Variants in VIPR1 observed in about 807,000 individuals in gnomAD.
VIPR1 encodes vasoactive intestinal peptide receptor 1, also known as vasoactive intestinal polypeptide receptor 1.
VIPR1 carries 59 observed loss-of-function variants against 58.8 expected under a neutral mutation model. That is an observed-to-expected ratio of 1.00 (90% CI 0.81 to 1.25). The LOEUF (loss-of-function observed/expected upper bound fraction) is 1.25. Among genes scored for constraint, VIPR1 ranks in the 50% most tolerant of loss-of-function variants. The probability of loss-of-function intolerance (pLI) is 0.00; values close to 1 mark genes in which losing one functional copy is unlikely to be tolerated. For missense variants in VIPR1, 626 were observed against 602.7 expected, an observed-to-expected ratio of 1.04 and a Z score of -0.40; for synonymous variants, 251 against 242.1, an observed-to-expected ratio of 1.04 and a Z score of -0.34.
At chr3:42,532,378 A>G (rs1559497681) in intron 10 of VIPR1, 45 bp downstream of exon 10, 2 of 1,570,306 alleles carry the variant, frequency 1.3e-6, no homozygotes, top group Admixed American at 3.3e-5. Flanking sequence ...CTCCATCCCC[A>G]GTCCTCAAAT....
rs144983834 is a variant in VIPR1 at position 42,514,676 on chromosome 3, C to T, written c.184+822C>T. 5.6e-4 allele frequency among the ~76,000 whole-genome samples: 85 copies of T among 152,106 alleles called. 1 individual carries two copies. In the East Asian group the frequency reaches 0.014, roughly 25 times the overall value. ...CCAGATGAACCATCAGCTCATTATT[C>T]GGCTGATGAGACAAGTCAAGGTCAG... On this transcript the variant is annotated intron_variant, in intron 2 of 12. Coordinates refer to ENST00000325123, the MANE Select transcript of VIPR1 (RefSeq NM_004624.4).
At chr3:42,532,209 C>T in intron 9 of VIPR1, 33 bp from the exon 10 acceptor site, 1 of 1,608,098 alleles carries the variant, frequency 6.2e-7, no homozygotes, top group Non-Finnish European at 8.5e-7. Context: ...CCTTCCCGCT[C>T]TGACTGCCCG....
In VIPR1 at chr3:42,535,335, C is replaced by T; in HGVS notation, c.1141-8C>T. 1 of 1,614,116 alleles carries T rather than the reference C, an allele frequency of 6.2e-7. No homozygotes were observed. Among genetic ancestry groups the T allele is most frequent in the Non-Finnish European group, 8.5e-7 (1 of 1,180,006 alleles). On this transcript the variant is annotated splice_region_variant and splice_polypyrimidine_tract_variant and intron_variant, in intron 11 of 12. Coordinates refer to ENST00000325123, the MANE Select transcript of VIPR1 (RefSeq NM_004624.4). ...CTACCTCACCTCTCCTGTCATCTTC[C>T]TTCTCAGGGTTTTGTGGTGGCTATC...
At chr3:42,516,033 G>A (rs770558587) in intron 2 of VIPR1, among the ~76,000 whole-genome samples, 4 of 152,206 alleles carry the variant, frequency 2.6e-5, no homozygotes, top group Non-Finnish European at 4.4e-5. Context: ...ATGTTTGCAT[G>A]TGTGCCTGGT....
intron 6 of VIPR1, chr3:42,529,631 AC>A (rs1014838428): frequency 2.0e-5 from 3 of 152,216 alleles, no homozygotes; most frequent in Non-Finnish European, 2.9e-5. Context: ...GATGTCGCAA[AC>A]CAAGGGTACA....
At chr3:42,507,689 A>C (rs1700177017) in intron 1 of VIPR1, among the ~76,000 whole-genome samples, 1 of 152,194 alleles carries the variant, frequency 6.6e-6, no homozygotes, top group African/African-American at 2.4e-5. Context: ...TTCCTCTGCA[A>C]ATAAAGGCTT....
chr3:42,531,651 G>A (rs1351127525), intron 8 of VIPR1, 120 bp downstream of exon 8: 3 of 1,544,452 alleles, frequency 1.9e-6, no homozygotes, highest in African/African-American at 1.4e-5. Context: ...GGGCCAGAGG[G>A]GAGGCTGGAG....
intron 1 of VIPR1, among the ~76,000 whole-genome samples, chr3:42,507,543 T>A (rs1029375133): frequency 6.6e-6 from 1 of 152,200 alleles, no homozygotes; most frequent in African/African-American, 2.4e-5. Context: ...AGTCCAGCCC[T>A]CTGCAGGTGG....
intron 1 of VIPR1, among the ~76,000 whole-genome samples, chr3:42,496,719 C>G (rs1337372880): frequency 6.6e-6 from 1 of 152,156 alleles, no homozygotes; most frequent in Non-Finnish European, 1.5e-5. Context: ...AAATTCTCAC[C>G]CATTCCCATT....
At chr3:42,497,703 C>T (rs568841586), upstream of VIPR1, among the ~76,000 whole-genome samples, 6 of 152,208 alleles carry the variant, frequency 3.9e-5, no homozygotes, top group South Asian at 2.1e-4. Context: ...TCCCCGATAC[C>T]GTTCTTGTGG....
intron 1 of VIPR1, chr3:42,512,961 C>T (rs1433413962): frequency 2.0e-6 from 2 of 985,310 alleles, no homozygotes; most frequent in Admixed American, 1.2e-4. Context: ...TCAGTGACCC[C>T]AGTCACACTG....
At chr3:42,513,892 C>A (rs1209349936) in intron 2 of VIPR1, 38 bp downstream of exon 2, 10 of 1,534,800 alleles carry the variant, frequency 6.5e-6, no homozygotes, top group Non-Finnish European at 8.8e-6. Context: ...TGCATGCCCC[C>A]AGGGAGCCCA....
intron 4 of VIPR1, among the ~76,000 whole-genome samples, chr3:42,526,837 C>A (rs1701257602): frequency 6.6e-6 from 1 of 152,136 alleles, no homozygotes; most frequent in Admixed American, 6.5e-5. Flanking sequence ...ACCCTCGGGG[C>A]CTAGCTTTGC....
intron 2 of VIPR1, 23 bp downstream of exon 2, chr3:42,513,877 G>C (rs1461732949): frequency 1.3e-6 from 2 of 1,549,544 alleles, no homozygotes; most frequent in African/African-American, 1.4e-5. Context: ...TGGGCAGAGA[G>C]GGGCTGCATG....
chr3:42,506,332 C>T (rs952691064), intron 1 of VIPR1: 1 of 152,238 alleles, frequency 6.6e-6, no homozygotes, highest in African/African-American at 2.4e-5. Context: ...GGGCCCTTCA[C>T]TGTGGCTCCT....
Position 42,536,194 on chromosome 3 carries a change from G to C in VIPR1, c.1287G>C (p.Thr429=). The C allele has an allele frequency of 6.2e-7, 1 of 1,601,570 alleles. No homozygotes were observed. The highest frequency in any genetic ancestry group is 2.3e-5 in the East Asian group (1 of 44,242). ...CGTCGGGAGGCAGCAACGGCGCCAC[G>C]TGCAGCACGCAGGTTTCCATGCTGA... ...RHPSGGSNGA[T]CSTQVSMLTR... Residue 429 remains threonine (T), a synonymous_variant, in exon 13 of 13, where the codon ACG becomes ACC. Transcript: ENST00000325123.
intron 2 of VIPR1, among the ~76,000 whole-genome samples, chr3:42,515,363 G>A (rs182377199): frequency 1.3e-5 from 2 of 152,288 alleles, no homozygotes; most frequent in African/African-American, 2.4e-5. Flanking sequence ...CATGGGTCAC[G>A]GGGTGGCTGG....
intron 10 of VIPR1, chr3:42,532,947 A>C (rs1382796855): frequency 6.4e-6 from 1 of 155,904 alleles, no homozygotes; most frequent in East Asian, 1.9e-4. Context: ...GGCAGGGAGA[A>C]GGGGGCACAA....
At chr3:42,531,661 G>A (rs1701562212) in intron 8 of VIPR1, 130 bp downstream of exon 8, 34 of 1,547,372 alleles carry the variant, frequency 2.2e-5, no homozygotes, top group Non-Finnish European at 3.0e-5. Context: ...GGAGGCTGGA[G>A]GAGGACCTGG....
Sources: gnomAD v4.1 joint callset for allele counts (sites outside exome capture counted in the v4.1 genomes callset) on GRCh38, gnomAD v4.1.1 for gene constraint, MANE v1.5 for transcripts, NCBI Gene and HGNC (gene_info 2026-07-23, HGNC 2026-07-21) for gene names.